The following GRID2 variants were observed in gnomAD, a reference collection of about 807,000 sequenced individuals.
The protein encoded by GRID2 is glutamate receptor ionotropic, delta-2.
A neutral mutation model predicts 114.8 loss-of-function variants in GRID2; 33 were observed. The observed-to-expected ratio is 0.29, with a 90% CI of 0.22 to 0.38. The LOEUF (loss-of-function observed/expected upper bound fraction) is 0.38. Among genes scored for constraint, GRID2 ranks in the 10% least tolerant of loss-of-function variants. The pLI, the probability that GRID2 is intolerant of heterozygous loss-of-function variation, is 1.00. For missense variants in GRID2, 1,184 were observed against 1,257.7 expected (o/e 0.94, Z 0.89); for synonymous variants, 505 against 449.9 (o/e 1.12, Z -1.55).
intron 2 of GRID2, among the ~76,000 whole-genome samples, chr4:92,831,434 T>C (rs1001507901): frequency 6.6e-6 from 1 of 150,732 alleles, no homozygotes; most frequent in African/African-American, 2.4e-5. Flanking sequence ...CCAGCTGTAG[T>C]ATAAAGTTAA....
intron 1 of GRID2, among the ~76,000 whole-genome samples, chr4:92,468,901 G>A (rs1244254512): frequency 6.6e-6 from 1 of 152,102 alleles, no homozygotes; most frequent in East Asian, 1.9e-4. Flanking sequence ...GTCAGATGGA[G>A]GCCCGAAGAG....
At chr4:93,303,352 A>G (rs1755071431) in intron 8 of GRID2, among the ~76,000 whole-genome samples, 1 of 152,194 alleles carries the variant, frequency 6.6e-6, no homozygotes, top group Non-Finnish European at 1.5e-5. Context: ...TTACAAATAT[A>G]TCTTCCCCAG....
At chr4:93,107,615 T>C (rs1732368996) in intron 3 of GRID2, among the ~76,000 whole-genome samples, 1 of 152,130 alleles carries the variant, frequency 6.6e-6, no homozygotes, top group South Asian at 2.1e-4. Context: ...CTCAGCTCAC[T>C]GCAACCTCCA....
chr4:93,242,634 G>A (rs558254841), intron 8 of GRID2, among the ~76,000 whole-genome samples: 1 of 152,002 alleles, frequency 6.6e-6, no homozygotes, highest in Non-Finnish European at 1.5e-5. Context: ...GTTAGTGTGT[G>A]TTCAGCACAT....
intron 14 of GRID2, among the ~76,000 whole-genome samples, chr4:93,635,202 GT>G (rs1425609686): frequency 2.0e-5 from 3 of 150,508 alleles, no homozygotes; most frequent in Non-Finnish European, 4.4e-5. Context: ...AATTTTATGT[GT>G]GTATATATAT....
chr4:93,237,795 G>A lies in GRID2; in HGVS notation c.1126-576G>A, dbSNP rs558640046. Among the ~76,000 whole-genome samples, 111 of 151,854 alleles carry A rather than the reference G, an allele frequency of 7.3e-4. 1 individual carries two copies. Among genetic ancestry groups the A allele is most frequent in the Non-Finnish European group, 1.0e-3 (69 of 67,820 alleles). ...AGAATCTCAACAGCCAGCACTACCC[G>A]TTAAGAGCAAAAACAGATTTCAAGC... is the stretch of plus-strand genomic sequence containing the variant. On this transcript the variant is annotated intron_variant, in intron 7 of 15. Coordinates refer to ENST00000282020, the MANE Select transcript of GRID2 (RefSeq NM_001510.4).
chr4:92,756,381 G>A (rs1463937568), intron 2 of GRID2, among the ~76,000 whole-genome samples: 1 of 151,866 alleles, frequency 6.6e-6, no homozygotes, highest in African/African-American at 2.4e-5. Flanking sequence ...CTTTGCTATT[G>A]CGTAGTGCCG....
At chr4:93,040,891 C>G (rs904733266) in intron 2 of GRID2, among the ~76,000 whole-genome samples, 1 of 152,084 alleles carries the variant, frequency 6.6e-6, no homozygotes, top group Non-Finnish European at 1.5e-5. Context: ...CTGGATCCTA[C>G]TTTTGCATTC....
At chr4:92,439,890 G>A (rs1376846348) in intron 1 of GRID2, among the ~76,000 whole-genome samples, 5 of 145,718 alleles carry the variant, frequency 3.4e-5, no homozygotes, top group African/African-American at 1.2e-4. Flanking sequence ...GTGTAAACCG[G>A]CAGTGTAAAC....
chr4:93,679,886 A>G (rs1578551598), intron 14 of GRID2, among the ~76,000 whole-genome samples: 1 of 151,308 alleles, frequency 6.6e-6, no homozygotes, highest in East Asian at 1.9e-4. Flanking sequence ...GCAAGAGCAA[A>G]CACATTCAAA....
At chr4:93,780,680 G>A (rs1403023763) in intron 1 of GRID2, among the ~76,000 whole-genome samples, 5 of 152,146 alleles carry the variant, frequency 3.3e-5, no homozygotes, top group Non-Finnish European at 5.9e-5. Context: ...CCAGCTGCTG[G>A]TCCTTGAACC....
At chr4:93,485,824 T>C (rs1032426580) in intron 11 of GRID2, among the ~76,000 whole-genome samples, 2 of 151,736 alleles carry the variant, frequency 1.3e-5, no homozygotes, top group Non-Finnish European at 3.0e-5. Flanking sequence ...TGGCAATTTT[T>C]GTACTTTTGC....
chr4:92,363,107 A>T (rs1338608272), intron 1 of GRID2, among the ~76,000 whole-genome samples: 8 of 152,208 alleles, frequency 5.3e-5, no homozygotes, highest in Non-Finnish European at 8.8e-5. Flanking sequence ...TACTCAGAGT[A>T]TGGCCAGCAG....
At chr4:93,569,980 T>C (rs1735784436) in intron 13 of GRID2, among the ~76,000 whole-genome samples, 1 of 152,222 alleles carries the variant, frequency 6.6e-6, no homozygotes, top group African/African-American at 2.4e-5. Flanking sequence ...TTGTTACTGC[T>C]TACTTATTGA....
chr4:93,444,081 C>T (rs1429701047), intron 10 of GRID2, among the ~76,000 whole-genome samples: 1 of 151,732 alleles, frequency 6.6e-6, no homozygotes, highest in Non-Finnish European at 1.5e-5. Flanking sequence ...AGGAGAGATA[C>T]AGAAAAACAG....
chr4:92,888,752 T>C (rs1356138649), intron 2 of GRID2, among the ~76,000 whole-genome samples: 1 of 151,866 alleles, frequency 6.6e-6, no homozygotes, highest in Non-Finnish European at 1.5e-5. Context: ...CAAACATTTT[T>C]ATAATATGTT....
chr4:92,621,463 G>A (rs1043928597), intron 2 of GRID2, among the ~76,000 whole-genome samples: 1 of 151,698 alleles, frequency 6.6e-6, no homozygotes, highest in Non-Finnish European at 1.5e-5. Flanking sequence ...ATTTTGGTGT[G>A]GTTATTTTAA....
chr4:93,330,501 A>G (rs962315472), intron 8 of GRID2, among the ~76,000 whole-genome samples: 2 of 152,212 alleles, frequency 1.3e-5, no homozygotes, highest in Non-Finnish European at 2.9e-5. Context: ...TCATTAAAAC[A>G]TATATTTTAT....
intron 2 of GRID2, among the ~76,000 whole-genome samples, chr4:92,719,874 A>T (rs1280329556): frequency 6.6e-6 from 1 of 152,128 alleles, no homozygotes; most frequent in East Asian, 1.9e-4. Context: ...TTTTCCTCTA[A>T]GGATGTTCTA....
Sources: gnomAD v4.1 joint callset for allele counts (sites outside exome capture counted in the v4.1 genomes callset) on GRCh38, gnomAD v4.1.1 for gene constraint, MANE v1.5 for transcripts, NCBI Gene and HGNC (gene_info 2026-07-23, HGNC 2026-07-21) for gene names.